Variants in OSBPL5 observed in about 807,000 individuals in gnomAD.
OSBPL5 encodes the protein oxysterol-binding protein-related protein 5.
In OSBPL5, 71 loss-of-function variants were observed where a neutral mutation model predicts 111.2. The observed-to-expected ratio is 0.64, with a 90% CI of 0.53 to 0.78. The LOEUF is 0.78. OSBPL5 is among the 30% of genes least tolerant of loss of function. The pLI is 0.00. For missense variants in OSBPL5, 1,210 were observed against 1,189.3 expected, an observed-to-expected ratio of 1.02 and a Z score of -0.26; for synonymous variants, 549 against 513.9, an observed-to-expected ratio of 1.07 and a Z score of -0.93.
chr11:3,157,421 G>T (rs1376902187), intron 1 of OSBPL5, among the ~76,000 whole-genome samples: 1 of 152,188 alleles, frequency 6.6e-6, no homozygotes, highest in Non-Finnish European at 1.5e-5. Context: ...GGGGGCCTGG[G>T]CACCAAGCTA....
chr11:3,128,039 C>A (rs748228516), intron 2 of OSBPL5, among the ~76,000 whole-genome samples: 3 of 152,234 alleles, frequency 2.0e-5, no homozygotes, highest in Non-Finnish European at 4.4e-5. Flanking sequence ...AACGTGACAG[C>A]AGAGAATAAA....
intron 7 of OSBPL5, among the ~76,000 whole-genome samples, chr11:3,114,591 A>ATTTTT (rs59645003): frequency 8.8e-6 from 1 of 113,896 alleles, no homozygotes; most frequent in African/African-American, 3.5e-5. Context: ...TAGAACAATG[A>ATTTTT]TTTTTTTTTT....
chr11:3,132,959 C>A (rs916878076), intron 1 of OSBPL5, among the ~76,000 whole-genome samples: 1 of 151,776 alleles, frequency 6.6e-6, no homozygotes, highest in Non-Finnish European at 1.5e-5. Context: ...TGGAGACCCT[C>A]GGTGGTTGTG....
At chr11:3,114,348 T>G (rs1042376706) in intron 7 of OSBPL5, among the ~76,000 whole-genome samples, 5 of 152,110 alleles carry the variant, frequency 3.3e-5, no homozygotes, top group Non-Finnish European at 7.4e-5. Context: ...GAATCTTGTA[T>G]GGTAAATTTA....
At chr11:3,088,424 G>T in intron 21 of OSBPL5, 81 bp from the exon 22 acceptor site, 1 of 1,351,430 alleles carries the variant, frequency 7.4e-7, no homozygotes, top group Middle Eastern at 2.8e-4. Context: ...AGTGCCCTGG[G>T]TACTTGACCA....
intron 12 of OSBPL5, 136 bp downstream of exon 12, chr11:3,102,047 G>T: frequency 1.2e-6 from 1 of 811,842 alleles, no homozygotes; most frequent in Non-Finnish European, 2.0e-6. Flanking sequence ...CCCTTCCGGT[G>T]TGCAGGATGT....
intron 1 of OSBPL5, 182 bp from the exon 2 acceptor site, chr11:3,129,351 C>A (rs921214494): frequency 4.2e-6 from 2 of 474,918 alleles, no homozygotes; most frequent in Non-Finnish European, 7.0e-6. Context: ...CCAGCTCAGG[C>A]GAATGGCTTT....
chr11:3,103,289 T>C lies in OSBPL5; in HGVS notation c.1276A>G (p.Met426Val). 6.2e-7 allele frequency: 1 copy of C among 1,608,548 alleles called. No homozygotes were observed. The highest frequency in any genetic ancestry group is 8.5e-7 in the Non-Finnish European group (1 of 1,177,558). ...AGGTACCACCGCAGCACCAGCTTCA[T>C]GCGGCTGTAGGCATCCTCCTCCACC... The part of the protein sequence containing the change: ...AAVEEDAYSR[M>V]KLVLRWYLSG... The change falls in exon 11 of 22, where the codon ATG becomes GTG. Residue 426 changes from methionine to valine, a missense_variant. Transcript: ENST00000263650.
intron 14 of OSBPL5, among the ~76,000 whole-genome samples, chr11:3,095,618 G>A (rs554764432): frequency 2.0e-5 from 3 of 152,272 alleles, no homozygotes; most frequent in South Asian, 4.1e-4. Flanking sequence ...CACCAAATAC[G>A]TTCCTATCAA....
At position 3,093,511 on chromosome 11, in the gene OSBPL5, C is replaced by T. The variant is rs563022782; in HGVS notation, c.1946+16G>A. On this transcript the variant is annotated intron_variant, in intron 17 of 21. Coordinates refer to ENST00000263650, the MANE Select transcript of OSBPL5 (RefSeq NM_020896.4). ...GGCTGTGGTCAGCAGGGTCCCTGGG[C>T]GCTGACAGGCCTCACCTCTCGGACT... The T allele has an allele frequency of 5.6e-5, 90 of 1,603,732 alleles. 1 individual carries two copies. In the Middle Eastern group the frequency reaches 1.3e-3, roughly 24 times the overall value.
rs927893821 is a variant in OSBPL5 at position 3,090,030 on chromosome 11, TC to T, written c.2399-83del. 14 of 1,097,908 alleles carry T rather than the reference TC, an allele frequency of 1.3e-5. No homozygotes were observed. The African/African-American group carries it at 2.1e-4, about 16-fold the overall frequency. 68.0% of individuals were successfully genotyped at this position (1,097,908 alleles called of 1,614,324 possible). A position where few individuals can be genotyped will look rare whatever the true frequency, so the allele number is the denominator to read the frequency against. On this transcript the variant is annotated intron_variant, in intron 20 of 21. Transcript: ENST00000263650. ...AGGTCCAGTGGGGCTGGCACGTGGG[TC>T]ACAGGGTCATATCCAGCTCGGGCCT...
At chr11:3,108,003 C>G in intron 7 of OSBPL5, 58 bp from the exon 8 acceptor site, 1 of 1,564,980 alleles carries the variant, frequency 6.4e-7, no homozygotes, top group East Asian at 2.3e-5. Context: ...CCCGCATCCC[C>G]CAAGGGGCCA....
At chr11:3,122,489 CAGG>C in intron 3 of OSBPL5, 61 bp from the exon 4 acceptor site, 1 of 1,526,042 alleles carries the variant, frequency 6.6e-7, no homozygotes, top group Non-Finnish European at 9.0e-7. Context: ...GCTAGGAGCC[CAGG>C]TTGGCCTGAT....
At chr11:3,099,413 G>A (rs1281482102) in intron 14 of OSBPL5, among the ~76,000 whole-genome samples, 2 of 152,182 alleles carry the variant, frequency 1.3e-5, no homozygotes, top group Non-Finnish European at 2.9e-5. Context: ...TTGGCTCATC[G>A]ATGATACCAA....
At chr11:3,099,584 C>T (rs967204060) in intron 14 of OSBPL5, among the ~76,000 whole-genome samples, 8 of 152,160 alleles carry the variant, frequency 5.3e-5, no homozygotes, top group African/African-American at 1.7e-4. Flanking sequence ...AACTTTGAAA[C>T]ACTGTAGCAA....
chr11:3,143,312 G>A (rs181923684), intron 1 of OSBPL5, among the ~76,000 whole-genome samples: 2 of 152,106 alleles, frequency 1.3e-5, no homozygotes, highest in African/African-American at 4.8e-5. Flanking sequence ...CCGGCTCCAG[G>A]GGCCCATGGG....
At chr11:3,122,470 C>A in intron 3 of OSBPL5, 42 bp from the exon 4 acceptor site, 2 of 1,589,230 alleles carry the variant, frequency 1.3e-6, no homozygotes, top group East Asian at 2.2e-5. Flanking sequence ...GCACAGGGGC[C>A]GGCCCAGGGC....
In OSBPL5 at chr11:3,154,664, G is replaced by C. The variant is rs1384462137; in HGVS notation, c.-22+10552C>G. Among the ~76,000 whole-genome samples, 11 of 152,176 alleles carry C rather than the reference G, an allele frequency of 7.2e-5. No homozygotes were observed. Among genetic ancestry groups the C allele is most frequent in the Admixed American group, 7.2e-4 (11 of 15,274 alleles). On this transcript the variant is annotated intron_variant, in intron 1 of 21. Transcript: ENST00000263650. The surrounding 1 kb of genome is among the most constrained non-coding windows in gnomAD (Gnocchi z 4.9). ...TGACGAGACGCCTGGCAGTGCGGGGGCCCCAGGGTTAGTCTGACTGCTCCA... is the reference window on the plus strand; with the variant it reads ...TGACGAGACGCCTGGCAGTGCGGGGCCCCCAGGGTTAGTCTGACTGCTCCA...
intron 6 of OSBPL5, 87 bp downstream of exon 6, chr11:3,120,333 TG>T: frequency 4.7e-6 from 7 of 1,493,268 alleles, no homozygotes; most frequent in Non-Finnish European, 6.3e-6. Flanking sequence ...GCCATTCAGC[TG>T]GTTGGCTCCA....
Sources: allele counts gnomAD v4.1 joint callset (sites outside exome capture counted in the v4.1 genomes callset), GRCh38; gene constraint gnomAD v4.1.1; non-coding constraint Gnocchi (gnomAD v3.1); transcripts MANE v1.5; gene names NCBI Gene and HGNC (gene_info 2026-07-23, HGNC 2026-07-21).